The following PDE4D variants were observed in gnomAD, a reference collection of about 807,000 sequenced individuals.
PDE4D encodes the protein 3',5'-cyclic-AMP phosphodiesterase 4D.
A neutral mutation model predicts 87.4 loss-of-function variants in PDE4D; 24 were observed. The observed-to-expected ratio is 0.27, with a 90% CI of 0.20 to 0.39. PDE4D has a LOEUF of 0.39. Among genes scored for constraint, PDE4D ranks in the 10% least tolerant of loss-of-function variants. The pLI is 1.00. For missense variants in PDE4D, 714 were observed against 1,041.0 expected, an observed-to-expected ratio of 0.69 and a Z score of 4.32; for synonymous variants, 384 against 383.2, an observed-to-expected ratio of 1.00 and a Z score of -0.02.
chr5:59,862,208 G>A (rs1416448630), intron 1 of PDE4D, among the ~76,000 whole-genome samples: 3 of 152,130 alleles, frequency 2.0e-5, no homozygotes, highest in Non-Finnish European at 4.4e-5. Flanking sequence ...TACCTCAGGG[G>A]CCTACTCCAT....
chr5:60,387,337 G>A (rs921963559), intron 1 of PDE4D, among the ~76,000 whole-genome samples: 14 of 152,186 alleles, frequency 9.2e-5, no homozygotes, highest in African/African-American at 3.1e-4. Context: ...TCCCAATGAC[G>A]TCAATGTTAG....
chr5:60,086,045 T>C (rs1774487959), intron 2 of PDE4D, among the ~76,000 whole-genome samples: 1 of 152,212 alleles, frequency 6.6e-6, no homozygotes, highest in Non-Finnish European at 1.5e-5. Flanking sequence ...TTTTACTCAG[T>C]GCAAATATTC....
rs1160802904 is a variant in PDE4D, at chr5:59,027,687, T to C, written c.921+11172A>G. Among the ~76,000 whole-genome samples the C allele has an allele frequency of 2.6e-5, 4 of 152,136 alleles. No homozygotes were observed. The East Asian group carries it at 7.7e-4, about 29-fold the overall frequency. On this transcript the variant is annotated intron_variant, in intron 6 of 14. Coordinates refer to ENST00000340635, the MANE Select transcript of PDE4D (RefSeq NM_001104631.2). ...CAACTCTTCAGTATATTCCCACGGG[T>C]GTAGGGTTCCATTTGTTTGAGCAGG...
intron 3 of PDE4D, among the ~76,000 whole-genome samples, chr5:59,974,446 T>A (rs951568060): frequency 1.3e-5 from 2 of 152,186 alleles, no homozygotes; most frequent in Admixed American, 6.5e-5. Context: ...CTCCAGAGAC[T>A]GTAATAAATC....
At chr5:60,186,658 A>G (rs1403646771) in intron 1 of PDE4D, among the ~76,000 whole-genome samples, 2 of 152,152 alleles carry the variant, frequency 1.3e-5, no homozygotes, top group Non-Finnish European at 1.5e-5. Context: ...TAACAGCAGC[A>G]TGTAGTTCTA....
At chr5:59,979,572 G>A (rs1040211494) in intron 3 of PDE4D, among the ~76,000 whole-genome samples, 5 of 151,996 alleles carry the variant, frequency 3.3e-5, no homozygotes, top group Non-Finnish European at 7.4e-5. Flanking sequence ...TCAGAGCCAC[G>A]AACTTCAGTG....
chr5:59,518,007 TC>T (rs1811478616), intron 1 of PDE4D, among the ~76,000 whole-genome samples: 1 of 152,192 alleles, frequency 6.6e-6, no homozygotes, highest in African/African-American at 2.4e-5. Flanking sequence ...GTTGCTGACT[TC>T]CACTAAAATG....
chr5:60,484,249 T>C (rs548960198), intron 1 of PDE4D, among the ~76,000 whole-genome samples: 2 of 151,694 alleles, frequency 1.3e-5, no homozygotes, highest in South Asian at 4.2e-4. Flanking sequence ...CACTTTTTCC[T>C]GTGAGGAAAA....
At chr5:60,107,073 G>A (rs1488890202) in intron 2 of PDE4D, among the ~76,000 whole-genome samples, 1 of 151,170 alleles carries the variant, frequency 6.6e-6, no homozygotes, top group African/African-American at 2.4e-5. Flanking sequence ...CCAGGAGCTG[G>A]TTTTTTGAAA....
At chr5:59,742,339 C>G (rs933114674) in intron 1 of PDE4D, among the ~76,000 whole-genome samples, 1 of 152,190 alleles carries the variant, frequency 6.6e-6, no homozygotes, top group African/African-American at 2.4e-5. Context: ...GCTGGGATTA[C>G]AGGCGTGAGC....
At chr5:60,020,229 T>C (rs1301086936) in intron 2 of PDE4D, among the ~76,000 whole-genome samples, 2 of 152,126 alleles carry the variant, frequency 1.3e-5, no homozygotes, top group Non-Finnish European at 2.9e-5. Context: ...TTTGAAACCC[T>C]AACACAATTA....
At chr5:60,142,821 T>C (rs1780653506) in intron 2 of PDE4D, among the ~76,000 whole-genome samples, 1 of 151,864 alleles carries the variant, frequency 6.6e-6, no homozygotes, top group African/African-American at 2.4e-5. Flanking sequence ...TGAGAAAAAA[T>C]TTGCATGGGG....
At chr5:60,078,617 T>C (rs1014719384) in intron 2 of PDE4D, among the ~76,000 whole-genome samples, 4 of 152,110 alleles carry the variant, frequency 2.6e-5, no homozygotes, top group Non-Finnish European at 5.9e-5. Context: ...AACCCCCACT[T>C]ATGGGTGAGA....
chr5:60,012,400 T>C (rs547675255), intron 2 of PDE4D, among the ~76,000 whole-genome samples: 17 of 152,340 alleles, frequency 1.1e-4, no homozygotes, highest in African/African-American at 3.8e-4. Flanking sequence ...GAATTTTCAA[T>C]GGAAAACGAA....
intron 5 of PDE4D, among the ~76,000 whole-genome samples, chr5:59,123,552 C>T (rs1261894483): frequency 1.3e-5 from 2 of 152,062 alleles, no homozygotes; most frequent in African/African-American, 4.8e-5. Flanking sequence ...ACCTGTGACC[C>T]CTCCAGTCCA....
intron 1 of PDE4D, among the ~76,000 whole-genome samples, chr5:59,342,764 C>G (rs1052230313): frequency 6.6e-6 from 1 of 151,794 alleles, no homozygotes; most frequent in African/African-American, 2.4e-5. Context: ...CAGAAGTAGT[C>G]TTCATTTTCA....
chr5:59,715,776 GGTAGGGAAATAAAAACCT>G (rs1754926462), intron 1 of PDE4D, among the ~76,000 whole-genome samples: 1 of 152,208 alleles, frequency 6.6e-6, no homozygotes, highest in South Asian at 2.1e-4. Context: ...TGCCCCTAAA[GGTAGGGAAATAAAAACCT>G]GGCTTAATGC....
intron 1 of PDE4D, among the ~76,000 whole-genome samples, chr5:59,681,332 T>C (rs1335852765): frequency 6.6e-6 from 1 of 152,092 alleles, no homozygotes; most frequent in Admixed American, 6.5e-5. Context: ...AAATAAAGAA[T>C]TCATGACTCC....
chr5:59,495,715 C>T (rs1807053741), intron 1 of PDE4D, among the ~76,000 whole-genome samples: 1 of 152,130 alleles, frequency 6.6e-6, no homozygotes, highest in African/African-American at 2.4e-5. Flanking sequence ...AACCAGTCTG[C>T]GTGTGTTGCT....
Sources: gnomAD v4.1 joint callset for allele counts (sites outside exome capture counted in the v4.1 genomes callset) on GRCh38, gnomAD v4.1.1 for gene constraint, MANE v1.5 for transcripts, NCBI Gene and HGNC (gene_info 2026-07-23, HGNC 2026-07-21) for gene names.